PDE1C: variants seen among roughly 807,000 people sequenced by gnomAD.
PDE1C encodes dual specificity calcium/calmodulin-dependent 3',5'-cyclic nucleotide phosphodiesterase 1C.
PDE1C carries 62 observed loss-of-function variants against 93.1 expected under a neutral mutation model. The ratio of observed to expected loss-of-function variants is 0.67; its 90% CI spans 0.54 to 0.82. The LOEUF (loss-of-function observed/expected upper bound fraction) is 0.82. Ranked by LOEUF, PDE1C falls within the 40% of genes least tolerant of loss-of-function variation. The pLI is 0.00. For missense variants in PDE1C, 742 were observed against 884.6 expected (o/e 0.84, Z 2.04); for synonymous variants, 325 against 310.1 (o/e 1.05, Z -0.50).
chr7:32,130,873 A>G (rs1461042849), intron 3 of PDE1C, among the ~76,000 whole-genome samples: 1 of 152,032 alleles, frequency 6.6e-6, no homozygotes, highest in Non-Finnish European at 1.5e-5. Context: ...GTATAAGAGC[A>G]CCTCCTCATC....
At chr7:31,881,727 G>A (rs970944953) in intron 2 of PDE1C, among the ~76,000 whole-genome samples, 7 of 152,098 alleles carry the variant, frequency 4.6e-5, no homozygotes, top group African/African-American at 1.7e-4. Context: ...TGCAACCCTA[G>A]GTAAGTTATG....
intron 2 of PDE1C, among the ~76,000 whole-genome samples, chr7:32,204,828 C>T (rs4723128): frequency 0.34 from 51,738 of 152,046 alleles, 9,391 homozygotes; most frequent in Admixed American, 0.46. Flanking sequence ...TTCTGACTCT[C>T]CCAGCTCCTC....
At chr7:31,968,576 C>T (rs1810406757) in intron 2 of PDE1C, among the ~76,000 whole-genome samples, 1 of 152,040 alleles carries the variant, frequency 6.6e-6, no homozygotes, top group Non-Finnish European at 1.5e-5. Context: ...ATCAAGCTAC[C>T]AATGACTTTC....
At chr7:31,972,779 G>C (rs539904640) in intron 2 of PDE1C, among the ~76,000 whole-genome samples, 1 of 152,256 alleles carries the variant, frequency 6.6e-6, no homozygotes, top group East Asian at 1.9e-4. Flanking sequence ...GTCCCAGGTA[G>C]GTGCTTCTTC....
Position 31,753,209 on chromosome 7 carries a change from GAAC to G in PDE1C, c.*172_*174del. 5.2e-6 allele frequency: 4 copies of G among 769,252 alleles called. No homozygotes were observed. Among genetic ancestry groups the G allele is most frequent in the Non-Finnish European group, 7.9e-6 (4 of 504,658 alleles). The allele number at this position is 769,252 out of a possible 1,614,324, so 47.7% of individuals were successfully genotyped here. A position where few individuals can be genotyped will look rare whatever the true frequency, so the allele number is the denominator to read the frequency against. On this transcript the variant is annotated 3_prime_UTR_variant, in exon 18 of 18. Coordinates refer to ENST00000396191, the MANE Select transcript of PDE1C (RefSeq NM_001191057.4). ...TACAGCAATTGAAAAGTCTATACAAGAACAACAAAGAGGAAAATCACATACAAC... is the reference window on the plus strand; with the variant it reads ...TACAGCAATTGAAAAGTCTATACAAGAACAAAGAGGAAAATCACATACAAC...
chr7:31,663,404 G>A, the PDE1C span, among the ~76,000 whole-genome samples: 3 of 152,260 alleles, frequency 2.0e-5, no homozygotes, highest in South Asian at 6.2e-4. Flanking sequence ...CTTTCCAGGG[G>A]CTCCTTTCCC....
At chr7:32,113,841 C>G (rs1267355186) in intron 3 of PDE1C, among the ~76,000 whole-genome samples, 1 of 151,956 alleles carries the variant, frequency 6.6e-6, no homozygotes, top group Non-Finnish European at 1.5e-5. Context: ...CAACAATAGA[C>G]AAGCAGAGAG....
At chr7:31,957,935 G>C (rs1808375245) in intron 2 of PDE1C, among the ~76,000 whole-genome samples, 1 of 152,124 alleles carries the variant, frequency 6.6e-6, no homozygotes, top group Non-Finnish European at 1.5e-5. Context: ...TCAAAACACA[G>C]TTTCCAGCCA....
At chr7:32,206,398 C>G (rs114491028) in intron 2 of PDE1C, among the ~76,000 whole-genome samples, 1 of 152,046 alleles carries the variant, frequency 6.6e-6, no homozygotes, top group African/African-American at 2.4e-5. Flanking sequence ...TAATAGAGAC[C>G]GACAGTTGCA....
chr7:31,701,767 A>G, the PDE1C span, among the ~76,000 whole-genome samples: 1 of 152,240 alleles, frequency 6.6e-6, no homozygotes, highest in East Asian at 1.9e-4. Context: ...AAGCCTCTCT[A>G]AGACTCAGTG....
chr7:32,406,467 G>A (rs1269326013), intron 1 of PDE1C, among the ~76,000 whole-genome samples: 2 of 150,702 alleles, frequency 1.3e-5, no homozygotes, highest in Non-Finnish European at 2.9e-5. Context: ...ACTGAAAGCT[G>A]GCTACAGAAT....
intron 9 of PDE1C, among the ~76,000 whole-genome samples, chr7:31,840,018 CAGAG>C (rs1419461814): frequency 1.3e-5 from 2 of 152,098 alleles, no homozygotes; most frequent in Non-Finnish European, 2.9e-5. Flanking sequence ...GCCTGGGTGA[CAGAG>C]AGAGACTGCA....
intron 7 of PDE1C, among the ~76,000 whole-genome samples, chr7:31,861,619 CG>C (rs969590287): frequency 5.9e-5 from 9 of 152,066 alleles, no homozygotes; most frequent in Non-Finnish European, 8.8e-5. Flanking sequence ...GATGTATTCT[CG>C]ATTCCCCTCT....
intron 9 of PDE1C, among the ~76,000 whole-genome samples, chr7:31,846,767 G>C (rs1273862347): frequency 6.6e-6 from 1 of 152,074 alleles, no homozygotes; most frequent in Non-Finnish European, 1.5e-5. Context: ...ATTGGATAGA[G>C]GGTTCCTTTT....
intron 2 of PDE1C, among the ~76,000 whole-genome samples, chr7:31,948,974 A>G: frequency 6.6e-6 from 1 of 152,138 alleles, no homozygotes; most frequent in Non-Finnish European, 1.5e-5. Flanking sequence ...TCCTGAGCAT[A>G]TTAGAAATGG....
chr7:31,950,509 C>T (rs924805883), intron 2 of PDE1C, among the ~76,000 whole-genome samples: 6 of 152,152 alleles, frequency 3.9e-5, no homozygotes, highest in East Asian at 1.9e-4. Context: ...ACTGCCACAA[C>T]GCTAACCACT....
At chr7:31,998,275 T>A (rs761821266) in intron 2 of PDE1C, among the ~76,000 whole-genome samples, 1 of 152,138 alleles carries the variant, frequency 6.6e-6, no homozygotes, top group Non-Finnish European at 1.5e-5. Flanking sequence ...CGCCTTGGCC[T>A]CCCAAAGTGC....
intron 2 of PDE1C, among the ~76,000 whole-genome samples, chr7:32,175,495 C>A (rs545874771): frequency 2.0e-5 from 3 of 152,284 alleles, no homozygotes; most frequent in Admixed American, 1.3e-4. Context: ...CTTGCCTCAG[C>A]GTTGATGGCT....
chr7:32,201,351 T>A (rs1422747137), intron 2 of PDE1C, among the ~76,000 whole-genome samples: 1 of 152,196 alleles, frequency 6.6e-6, no homozygotes, highest in Non-Finnish European at 1.5e-5. Context: ...CCAAGTCACG[T>A]CTTCCTTGCC....
Sources: allele counts gnomAD v4.1 joint callset (sites outside exome capture counted in the v4.1 genomes callset), GRCh38; gene constraint gnomAD v4.1.1; transcripts MANE v1.5; gene names NCBI Gene and HGNC (gene_info 2026-07-23, HGNC 2026-07-21).